CSNK1G1: variants seen among roughly 807,000 people sequenced by gnomAD.
CSNK1G1 encodes casein kinase 1 gamma 1.
In CSNK1G1, 22 loss-of-function variants were observed where a neutral mutation model predicts 59.6. The ratio of observed to expected loss-of-function variants is 0.37; its 90% CI spans 0.26 to 0.53. The LOEUF is 0.53. CSNK1G1 is among the 20% of genes least tolerant of loss of function. The probability of loss-of-function intolerance (pLI) is 0.89; values close to 1 mark genes in which losing one functional copy is unlikely to be tolerated. For missense variants in CSNK1G1, 384 were observed against 519.5 expected, an observed-to-expected ratio of 0.74 and a Z score of 2.54; for synonymous variants, 179 against 177.1, an observed-to-expected ratio of 1.01 and a Z score of -0.08.
chr15:64,320,014 C>T lies in CSNK1G1; in HGVS notation c.-224-19291G>A, dbSNP rs183431221. Among the ~76,000 whole-genome samples the T allele has an allele frequency of 2.0e-5, 3 of 149,708 alleles. No homozygotes were observed. The East Asian group carries it at 5.9e-4, about 30-fold the overall frequency. On this transcript the variant is annotated intron_variant, in intron 1 of 11. Coordinates refer to ENST00000303052, the MANE Select transcript of CSNK1G1 (RefSeq NM_022048.5). The stretch of plus-strand genomic sequence containing the variant: ...CAACCTTCTGGGCTCAAGCAATCCT[C>T]CCACCTCAGCCTCCTGAGTAGCTGG...
At chr15:64,282,602 T>C (rs1286608110) in intron 2 of CSNK1G1, among the ~76,000 whole-genome samples, 1 of 152,238 alleles carries the variant, frequency 6.6e-6, no homozygotes, top group African/African-American at 2.4e-5. Context: ...TTAACCTGTT[T>C]TCAAGATTCA....
chr15:64,193,483 C>G (rs1232891584), intron 10 of CSNK1G1, among the ~76,000 whole-genome samples: 1 of 70,380 alleles, frequency 1.4e-5, no homozygotes, highest in Non-Finnish European at 2.6e-5. Flanking sequence ...CAGAGTGAGA[C>G]TCTGTCTCAA....
At chr15:64,281,036 C>T (rs1894100589) in intron 2 of CSNK1G1, among the ~76,000 whole-genome samples, 2 of 151,694 alleles carry the variant, frequency 1.3e-5, no homozygotes, top group African/African-American at 4.8e-5. Context: ...CCCGCCACCA[C>T]GCCCGGCTAA....
intron 11 of CSNK1G1, among the ~76,000 whole-genome samples, chr15:64,172,453 G>A (rs187124547): frequency 1.3e-5 from 2 of 152,316 alleles, no homozygotes; most frequent in East Asian, 3.9e-4. Flanking sequence ...CCCATGATAA[G>A]TATGATGTCT....
intron 6 of CSNK1G1, among the ~76,000 whole-genome samples, chr15:64,212,192 C>T (rs1012539285): frequency 7.9e-5 from 12 of 152,162 alleles, no homozygotes; most frequent in Admixed American, 7.9e-4. Flanking sequence ...TAGTAAGTAC[C>T]AGAGGACCTC....
At chr15:64,329,001 C>T (rs1293273588) in intron 1 of CSNK1G1, among the ~76,000 whole-genome samples, 3 of 146,386 alleles carry the variant, frequency 2.0e-5, no homozygotes, top group Admixed American at 1.4e-4. Flanking sequence ...GCACCCAATA[C>T]AGGAGCACCC....
At chr15:64,279,692 G>C (rs1457690071) in intron 2 of CSNK1G1, among the ~76,000 whole-genome samples, 1 of 152,106 alleles carries the variant, frequency 6.6e-6, no homozygotes, top group Non-Finnish European at 1.5e-5. Context: ...GAAACAAACA[G>C]GCCAGGCACA....
chr15:64,241,261 A>C (rs957650470), intron 4 of CSNK1G1, among the ~76,000 whole-genome samples: 2 of 152,212 alleles, frequency 1.3e-5, no homozygotes, highest in Non-Finnish European at 2.9e-5. Flanking sequence ...AAAAGCAACA[A>C]AGAAGGTAAT....
rs1251447518 is a variant in CSNK1G1, at chr15:64,166,061, G to T, written c.*5870C>A. ...GCTGAGCTTTGTGACCAGTGCCAGGGTTTATGAAACATTATACATCTAAAA... is the reference window on the plus strand; with the variant it reads ...GCTGAGCTTTGTGACCAGTGCCAGGTTTTATGAAACATTATACATCTAAAA... On this transcript the variant is annotated 3_prime_UTR_variant, in exon 12 of 12. Coordinates refer to ENST00000303052, the MANE Select transcript of CSNK1G1 (RefSeq NM_022048.5). This position sits in a 1 kb window ranked among gnomAD's most constrained non-coding sequence, Gnocchi z 4.5. 1 of 653,342 alleles carries T rather than the reference G, an allele frequency of 1.5e-6. No homozygotes were observed. Among genetic ancestry groups the T allele is most frequent in the South Asian group, 1.7e-5 (1 of 57,842 alleles). 40.5% of individuals were successfully genotyped at this position (653,342 alleles called of 1,614,324 possible).
chr15:64,185,847 G>A (rs1363971330), intron 10 of CSNK1G1, among the ~76,000 whole-genome samples: 3 of 142,832 alleles, frequency 2.1e-5, no homozygotes, highest in African/African-American at 5.3e-5. Context: ...GGATGACAGA[G>A]CCAGACTCCA....
intron 2 of CSNK1G1, among the ~76,000 whole-genome samples, chr15:64,286,251 A>C (rs1448547553): frequency 6.6e-6 from 1 of 152,014 alleles, no homozygotes; most frequent in East Asian, 1.9e-4. Context: ...CACTCTTTCT[A>C]AGCTACATTG....
intron 4 of CSNK1G1, among the ~76,000 whole-genome samples, chr15:64,244,392 G>T (rs1891642825): frequency 6.7e-6 from 1 of 150,128 alleles, no homozygotes; most frequent in African/African-American, 2.4e-5. Flanking sequence ...AAAGAGTGTG[G>T]GCCGGGGGGA....
rs541856182 is a variant in CSNK1G1, at chr15:64,308,028, G to A, written c.-224-7305C>T. On this transcript the variant is annotated intron_variant, in intron 1 of 11. Coordinates refer to ENST00000303052, the MANE Select transcript of CSNK1G1 (RefSeq NM_022048.5). ...TATGTGGTCAGGGAAAAAAATGTTC[G>A]TCTTCTACTTGCCAAAAAGGCACAG... Among the ~76,000 whole-genome samples, 4 of 152,044 alleles carry A rather than the reference G, an allele frequency of 2.6e-5. No individual in the cohort carries two copies. In the South Asian group the frequency reaches 6.2e-4, roughly 24 times the overall value.
At chr15:64,241,194 T>C (rs1247673113) in intron 4 of CSNK1G1, among the ~76,000 whole-genome samples, 1 of 151,968 alleles carries the variant, frequency 6.6e-6, no homozygotes, top group Non-Finnish European at 1.5e-5. Flanking sequence ...TCTACACAAA[T>C]GGAAACCAAA....
chr15:64,199,833 A>G (rs2082085270), intron 10 of CSNK1G1, among the ~76,000 whole-genome samples: 1 of 152,110 alleles, frequency 6.6e-6, no homozygotes, highest in Non-Finnish European at 1.5e-5. Flanking sequence ...ACCCTGGGCG[A>G]CAGAGCAAGA....
At chr15:64,250,487 A>G (rs1044244996) in intron 4 of CSNK1G1, among the ~76,000 whole-genome samples, 2 of 152,198 alleles carry the variant, frequency 1.3e-5, no homozygotes, top group African/African-American at 4.8e-5. Flanking sequence ...TCATGCCTGT[A>G]ATCCCAGCAT....
intron 2 of CSNK1G1, among the ~76,000 whole-genome samples, chr15:64,283,047 A>G (rs1025534844): frequency 3.3e-5 from 5 of 152,182 alleles, no homozygotes; most frequent in Non-Finnish European, 7.3e-5. Context: ...AAGACTACAG[A>G]TAGGGTGCAG....
rs531726314 is a variant in CSNK1G1, at chr15:64,200,392, C to A, written c.1107+2690G>T. Among the ~76,000 whole-genome samples the A allele has an allele frequency of 4.9e-4, 74 of 152,252 alleles. No homozygotes were observed. Among genetic ancestry groups the A allele is most frequent in the African/African-American group, 1.8e-3 (73 of 41,532 alleles). ...AGGCTGGAGTGCAGTGGTGCCCAGG[C>A]TGGGGTGTAATGGTACCATCTCGTC... On this transcript the variant is annotated intron_variant, in intron 10 of 11. Transcript: ENST00000303052. The surrounding 1 kb of genome is among the most constrained non-coding windows in gnomAD (Gnocchi z 4.3).
At chr15:64,306,400 A>G (rs781229590) in intron 1 of CSNK1G1, among the ~76,000 whole-genome samples, 1 of 152,208 alleles carries the variant, frequency 6.6e-6, no homozygotes, top group African/African-American at 2.4e-5. Flanking sequence ...ACTCAATACC[A>G]TATGTCAGAA....
Sources: gnomAD v4.1 joint callset for allele counts (sites outside exome capture counted in the v4.1 genomes callset) on GRCh38, gnomAD v4.1.1 for gene constraint, Gnocchi (gnomAD v3.1) non-coding constraint, MANE v1.5 for transcripts, NCBI Gene and HGNC (gene_info 2026-07-23, HGNC 2026-07-21) for gene names.